The following MYO18B variants were observed in gnomAD, a reference collection of about 807,000 sequenced individuals.
The protein encoded by MYO18B is myosin XVIIIB.
A neutral mutation model predicts 273.0 loss-of-function variants in MYO18B; 204 were observed. The observed-to-expected ratio is 0.75, with a 90% CI of 0.67 to 0.84. MYO18B has a LOEUF of 0.84. Ranked by LOEUF, MYO18B falls within the 40% of genes least tolerant of loss-of-function variation. The pLI, the probability that MYO18B is intolerant of heterozygous loss-of-function variation, is 0.00. For synonymous variants in MYO18B, 1,330 were observed against 1,305.7 expected (o/e 1.02, Z -0.40); for missense variants, 3,212 against 3,287.6 (o/e 0.98, Z 0.56).
intron 39 of MYO18B, among the ~76,000 whole-genome samples, chr22:25,989,865 T>A (rs1420317636): frequency 5.3e-5 from 8 of 152,024 alleles, no homozygotes; most frequent in Non-Finnish European, 8.8e-5. Flanking sequence ...ATTTATGAGC[T>A]GACATGCTGA....
chr22:25,838,877 A>G (rs6004790), intron 17 of MYO18B, among the ~76,000 whole-genome samples: 39,181 of 142,524 alleles, frequency 0.27, 5,624 homozygotes, highest in Admixed American at 0.34. Context: ...GTTTGTGTAT[A>G]TATATATATA....
At chr22:25,784,723 G>C (rs895643618) in intron 10 of MYO18B, among the ~76,000 whole-genome samples, 7 of 152,186 alleles carry the variant, frequency 4.6e-5, no homozygotes, top group Non-Finnish European at 1.0e-4. Flanking sequence ...GGGGCAGGGG[G>C]CATAGCTGTG....
intron 42 of MYO18B, among the ~76,000 whole-genome samples, chr22:26,024,625 C>A (rs1936102680): frequency 6.6e-6 from 1 of 152,196 alleles, no homozygotes; most frequent in African/African-American, 2.4e-5. Flanking sequence ...TAAGGAGAGG[C>A]AGATGATCAC....
intron 39 of MYO18B, among the ~76,000 whole-genome samples, chr22:25,970,755 T>G (rs2093028789): frequency 6.6e-6 from 1 of 152,160 alleles, no homozygotes; most frequent in Admixed American, 6.5e-5. Context: ...GAAGATGATG[T>G]GGTTGATGCT....
At chr22:26,028,316 A>G (rs1936425046) in intron 43 of MYO18B, 1 of 151,296 alleles carries the variant, frequency 6.6e-6, no homozygotes, top group African/African-American at 2.4e-5. Context: ...TTCTTTTCTT[A>G]ATGTCATTCC....
intron 25 of MYO18B, among the ~76,000 whole-genome samples, chr22:25,880,934 C>G (rs1295103050): frequency 6.6e-6 from 1 of 152,214 alleles, no homozygotes; most frequent in Non-Finnish European, 1.5e-5. Context: ...TGCCGAGGTC[C>G]TGGGACAATG....
intron 15 of MYO18B, among the ~76,000 whole-genome samples, chr22:25,829,688 A>G (rs976010778): frequency 6.6e-6 from 1 of 151,950 alleles, no homozygotes; most frequent in African/African-American, 2.4e-5. Context: ...AAATACAAAA[A>G]TTAGCCAGAC....
intron 17 of MYO18B, among the ~76,000 whole-genome samples, chr22:25,842,410 C>T (rs1372838096): frequency 2.0e-5 from 3 of 152,190 alleles, no homozygotes; most frequent in African/African-American, 4.8e-5. Context: ...CGGTGGCTCA[C>T]GCCTGTAATC....
At chr22:25,834,639 A>T (rs1221461436) in intron 16 of MYO18B, among the ~76,000 whole-genome samples, 1 of 152,122 alleles carries the variant, frequency 6.6e-6, no homozygotes, top group Non-Finnish European at 1.5e-5. Context: ...TGGTTGTGCC[A>T]ACTCCTTATG....
chr22:26,042,962 C>T, the MYO18B span, among the ~76,000 whole-genome samples: 1 of 152,204 alleles, frequency 6.6e-6, no homozygotes, highest in South Asian at 2.1e-4. Context: ...ATTGCTGAGA[C>T]CTAAAGTGTG....
At chr22:26,056,566 CT>C in the MYO18B span, among the ~76,000 whole-genome samples, 1 of 152,222 alleles carries the variant, frequency 6.6e-6, no homozygotes, top group East Asian at 1.9e-4. Context: ...CCACAAGAAT[CT>C]AACTTGATCA....
the MYO18B span, among the ~76,000 whole-genome samples, chr22:26,046,887 C>T: frequency 3.8e-4 from 58 of 152,250 alleles, no homozygotes; most frequent in African/African-American, 1.3e-3. Context: ...TATCACCTTA[C>T]GCGCATGGCT....
At position 26,027,051 on chromosome 22, in the gene MYO18B, G is replaced by A. The variant is rs370775470; in HGVS notation, c.7077G>A (p.Pro2359=). Residue 2359 remains proline, a synonymous_variant, in exon 43 of 44, where the codon CCG becomes CCA. Coordinates refer to ENST00000335473, the MANE Select transcript of MYO18B (RefSeq NM_032608.7). The surrounding 1 kb of genome is among the most constrained non-coding windows in gnomAD (Gnocchi z 4.1). ...GCGAGTCCCTCTTAGAATCCAGACCGAGCATGGGGAGAAAACTGAGCTCTC... is the reference window on the plus strand; with the variant it reads ...GCGAGTCCCTCTTAGAATCCAGACCAAGCATGGGGAGAAAACTGAGCTCTC... The part of the protein sequence containing the change: ...SSCESLLESR[P]SMGRKLSSPT... 12 of 1,613,836 alleles carry A rather than the reference G, an allele frequency of 7.4e-6. No homozygotes were observed. Among genetic ancestry groups the A allele is most frequent in the East Asian group, 2.2e-5 (1 of 44,886 alleles).
At chr22:25,882,769 G>A (rs555899767) in intron 25 of MYO18B, among the ~76,000 whole-genome samples, 10 of 152,206 alleles carry the variant, frequency 6.6e-5, no homozygotes, top group Admixed American at 1.3e-4. Flanking sequence ...GTTTTAGAGC[G>A]TACAATGGCA....
chr22:25,967,414 C>T (rs2092991243), intron 39 of MYO18B, among the ~76,000 whole-genome samples: 2 of 152,224 alleles, frequency 1.3e-5, no homozygotes, highest in East Asian at 1.9e-4. Flanking sequence ...CAAGGAAATC[C>T]AGGGGGCCCC....
chr22:26,012,596 C>T (rs1934997806), intron 42 of MYO18B, among the ~76,000 whole-genome samples: 1 of 152,190 alleles, frequency 6.6e-6, no homozygotes, highest in African/African-American at 2.4e-5. Flanking sequence ...AATGTAGACA[C>T]AGGATTTATC....
chr22:26,004,980 T>G, intron 42 of MYO18B, 125 bp downstream of exon 42: 1 of 1,286,550 alleles, frequency 7.8e-7, no homozygotes, highest in Non-Finnish European at 1.1e-6. Context: ...CCTGAAAGTC[T>G]GGGGTATAAC....
At chr22:25,751,992 C>A (rs1472383793) in intron 1 of MYO18B, among the ~76,000 whole-genome samples, 1 of 152,152 alleles carries the variant, frequency 6.6e-6, no homozygotes, top group Non-Finnish European at 1.5e-5. Context: ...AGAGAGCTCC[C>A]TGGGGTGTCA....
intron 10 of MYO18B, among the ~76,000 whole-genome samples, chr22:25,784,785 A>T (rs140135979): frequency 1.3e-5 from 2 of 152,324 alleles, no homozygotes; most frequent in Admixed American, 1.3e-4. Flanking sequence ...TGGGTGGCCC[A>T]TCTGCTGGTC....
Sources: gnomAD v4.1 joint callset for allele counts (sites outside exome capture counted in the v4.1 genomes callset) on GRCh38, gnomAD v4.1.1 for gene constraint, Gnocchi (gnomAD v3.1) non-coding constraint, MANE v1.5 for transcripts, NCBI Gene and HGNC (gene_info 2026-07-23, HGNC 2026-07-21) for gene names.